Variants in CFAP36 observed in about 807,000 individuals in gnomAD.
The protein encoded by CFAP36 is cilia- and flagella-associated protein 36.
Under a neutral mutation model 50.5 loss-of-function variants are expected in CFAP36, and 37 were observed. The ratio of observed to expected loss-of-function variants is 0.73; its 90% confidence interval spans 0.56 to 0.96. The LOEUF (loss-of-function observed/expected upper bound fraction) is 0.96, where lower values mean the gene tolerates loss of function less well. CFAP36 is among the 50% of genes least tolerant of loss of function. The pLI, the probability that CFAP36 is intolerant of heterozygous loss-of-function variation, is 0.00. For missense variants in CFAP36, 407 were observed against 396.2 expected (o/e 1.03, Z -0.23); for synonymous variants, 138 against 128.2 (o/e 1.08, Z -0.52).
chr2:55,537,267 T>A (rs1391783486), intron 6 of CFAP36, among the ~76,000 whole-genome samples: 1 of 151,908 alleles, frequency 6.6e-6, no homozygotes. Flanking sequence ...GCTACTCAGG[T>A]GGCTCAGGCA....
chr2:55,519,801 G>C lies in CFAP36; in HGVS notation c.-1G>C. The C allele has an allele frequency of 6.2e-7, 1 of 1,614,226 alleles. No homozygotes were observed. The highest frequency in any genetic ancestry group is 1.1e-5 in the South Asian group (1 of 91,090). ...CTTCCCCGTTGCCCCTTTGGGGCGG[G>C]ATGGCTGCGGAAGAAGAAGACGAGG... On this transcript the variant is annotated 5_prime_UTR_variant, in exon 1 of 10. Transcript: ENST00000349456.
Position 55,522,094 on chromosome 2 carries a change from A to G in CFAP36, c.116-8A>G. On this transcript the variant is annotated splice_polypyrimidine_tract_variant and splice_region_variant and intron_variant, in intron 1 of 9. Transcript: ENST00000349456. ...TTTACACTATGTAATATTTTCTTTT[A>G]AATTTAGTTTTTGATGATGAAGAAG... 1 of 1,416,210 alleles carries G rather than the reference A, an allele frequency of 7.1e-7. No individual in the cohort carries two copies. Among genetic ancestry groups the G allele is most frequent in the Non-Finnish European group, 9.8e-7 (1 of 1,018,604 alleles). 87.7% of individuals were successfully genotyped at this position (1,416,210 alleles called of 1,614,324 possible).
intron 9 of CFAP36, 148 bp from the exon 10 acceptor site, chr2:55,544,759 G>A (rs1222460019): frequency 3.3e-6 from 2 of 610,904 alleles, no homozygotes; most frequent in Non-Finnish European, 5.8e-6. Flanking sequence ...TTACGAAGAA[G>A]AGATTTAGGA....
intron 3 of CFAP36, among the ~76,000 whole-genome samples, chr2:55,524,344 C>T (rs1301523347): frequency 6.6e-6 from 1 of 151,892 alleles, no homozygotes; most frequent in Admixed American, 6.6e-5. Flanking sequence ...GGCTCAACAT[C>T]CCTGGGCTCA....
chr2:55,533,715 A>G lies in CFAP36; in HGVS notation c.398-158A>G, dbSNP rs551763967. 3.4e-3 allele frequency among the ~76,000 whole-genome samples: 506 copies of G among 149,196 alleles called. 16 individuals carry two copies. The highest frequency in any genetic ancestry group is 0.025 in the Admixed American group (370 of 14,972). On this transcript the variant is annotated intron_variant, in intron 4 of 9. Coordinates refer to ENST00000349456, the MANE Select transcript of CFAP36 (RefSeq NM_080667.7). ...GTCTCAAAAAAAAAAAAAAATATAT[A>G]TATATATAAAATAAAAGATGATAGT...
chr2:55,520,384 G>A, intron 1 of CFAP36: 2 of 1,527,442 alleles, frequency 1.3e-6, no homozygotes, highest in Non-Finnish European at 1.8e-6. Context: ...AATGAGAAAT[G>A]ATTTCACTCC....
At chr2:55,531,653 G>A (rs1684353285) in intron 4 of CFAP36, among the ~76,000 whole-genome samples, 1 of 152,202 alleles carries the variant, frequency 6.6e-6, no homozygotes, top group African/African-American at 2.4e-5. Flanking sequence ...GTCTTATGAA[G>A]AAATGGAATA....
intron 4 of CFAP36, among the ~76,000 whole-genome samples, chr2:55,529,387 A>G (rs970553816): frequency 1.3e-5 from 2 of 151,500 alleles, no homozygotes; most frequent in Middle Eastern, 6.8e-3. Flanking sequence ...GCGCCACTGC[A>G]CTCCAGCCTG....
intron 4 of CFAP36, among the ~76,000 whole-genome samples, chr2:55,529,480 A>G (rs1156439459): frequency 6.6e-6 from 1 of 151,948 alleles, no homozygotes; most frequent in Non-Finnish European, 1.5e-5. Flanking sequence ...AAGAAAGGAG[A>G]CCAGAATTCA....
chr2:55,523,851 T>A (rs368211455), intron 3 of CFAP36, 29 bp downstream of exon 3: 9 of 1,443,342 alleles, frequency 6.2e-6, no homozygotes, highest in Non-Finnish European at 8.6e-6. Context: ...TCTGCTAACA[T>A]ACAGTTTTAA....
At chr2:55,536,809 A>C (rs1003230214) in intron 6 of CFAP36, among the ~76,000 whole-genome samples, 2 of 151,532 alleles carry the variant, frequency 1.3e-5, no homozygotes, top group African/African-American at 2.4e-5. Flanking sequence ...CAGTGGCGTG[A>C]TCTTGGCTCA....
chr2:55,523,012 C>A (rs1240718062), intron 2 of CFAP36, among the ~76,000 whole-genome samples: 1 of 150,924 alleles, frequency 6.6e-6, no homozygotes, highest in African/African-American at 2.4e-5. Flanking sequence ...GGAGGATGAT[C>A]TCTTGAGCCC....
At chr2:55,529,078 G>A (rs1684284759) in intron 4 of CFAP36, 86 bp downstream of exon 4, 5 of 878,544 alleles carry the variant, frequency 5.7e-6, no homozygotes, top group East Asian at 5.5e-5. Context: ...AAATGTAGCT[G>A]TCTCATGTAC....
chr2:55,533,799 G>A (rs1684412400), intron 4 of CFAP36, 74 bp from the exon 5 acceptor site: 2 of 771,796 alleles, frequency 2.6e-6, no homozygotes, highest in African/African-American at 1.7e-5. Context: ...TTGTACTTAA[G>A]GAACGAGAAC....
chr2:55,523,661 T>C (rs1210680941), intron 2 of CFAP36, 60 bp from the exon 3 acceptor site: 6 of 1,112,892 alleles, frequency 5.4e-6, no homozygotes, highest in Non-Finnish European at 7.8e-6. Context: ...ATACTTAATA[T>C]GCAAACTGTC....
intron 7 of CFAP36, among the ~76,000 whole-genome samples, chr2:55,542,904 T>C (rs568083665): frequency 6.6e-6 from 1 of 152,316 alleles, no homozygotes; most frequent in African/African-American, 2.4e-5. Flanking sequence ...ATCTTTTCCA[T>C]GGAGATTTCC....
chr2:55,533,455 G>A (rs1684402274), intron 4 of CFAP36, among the ~76,000 whole-genome samples: 1 of 152,050 alleles, frequency 6.6e-6, no homozygotes, highest in South Asian at 2.1e-4. Flanking sequence ...TGTAATCCCG[G>A]CACTTTGGTA....
At chr2:55,532,687 C>G (rs1015823636) in intron 4 of CFAP36, among the ~76,000 whole-genome samples, 1 of 152,050 alleles carries the variant, frequency 6.6e-6, no homozygotes, top group Non-Finnish European at 1.5e-5. Flanking sequence ...CAAAATAAAA[C>G]ATTTAATTTA....
At chr2:55,526,517 A>G (rs1239707650) in intron 3 of CFAP36, among the ~76,000 whole-genome samples, 3 of 152,102 alleles carry the variant, frequency 2.0e-5, no homozygotes, top group Non-Finnish European at 2.9e-5. Flanking sequence ...TCATAGTTCT[A>G]TGCAACCTCT....
Sources: gnomAD v4.1 joint callset for allele counts (sites outside exome capture counted in the v4.1 genomes callset) on GRCh38, gnomAD v4.1.1 for gene constraint, MANE v1.5 for transcripts, NCBI Gene and HGNC (gene_info 2026-07-23, HGNC 2026-07-21) for gene names.